FER: variants seen among roughly 807,000 people sequenced by gnomAD.
FER encodes the protein FER tyrosine kinase.
In FER, 63 loss-of-function variants were observed where a neutral mutation model predicts 111.0. The ratio of observed to expected loss-of-function variants is 0.57; its 90% confidence interval spans 0.46 to 0.70. The LOEUF is 0.70. FER is among the 30% of genes least tolerant of loss of function. FER has a pLI of 0.00. For missense variants in FER, 914 were observed against 954.0 expected (o/e 0.96, Z 0.55); for synonymous variants, 327 against 313.9 (o/e 1.04, Z -0.44).
chr5:108,925,200 A>G (rs901330288), intron 10 of FER, among the ~76,000 whole-genome samples: 3 of 151,218 alleles, frequency 2.0e-5, no homozygotes, highest in East Asian at 2.0e-4. Flanking sequence ...TAAGATTTCT[A>G]TTTTTCAAAT....
At chr5:108,990,553 G>A (rs1166003027) in intron 13 of FER, among the ~76,000 whole-genome samples, 1 of 151,662 alleles carries the variant, frequency 6.6e-6, no homozygotes, top group Non-Finnish European at 1.5e-5. Flanking sequence ...AATTACAGGT[G>A]AAGAGAAAAT....
intron 13 of FER, among the ~76,000 whole-genome samples, chr5:108,960,419 G>T (rs1188552875): frequency 6.6e-6 from 1 of 151,832 alleles, no homozygotes; most frequent in African/African-American, 2.4e-5. Context: ...TTCTTGAACA[G>T]TTTTCTATAA....
intron 10 of FER, among the ~76,000 whole-genome samples, chr5:108,925,744 G>T (rs1188875540): frequency 6.6e-6 from 1 of 151,926 alleles, no homozygotes; most frequent in Non-Finnish European, 1.5e-5. Context: ...CCAGTGTTTG[G>T]GTTATGGTGT....
intron 13 of FER, among the ~76,000 whole-genome samples, chr5:109,026,333 A>G (rs1015274909): frequency 1.3e-5 from 2 of 152,228 alleles, no homozygotes; most frequent in African/African-American, 2.4e-5. Context: ...TGGATTATTT[A>G]GAATGAATTT....
chr5:108,792,371 C>T (rs998133473), intron 2 of FER, among the ~76,000 whole-genome samples: 2 of 152,106 alleles, frequency 1.3e-5, no homozygotes, highest in East Asian at 1.9e-4. Flanking sequence ...CGGAGTTTTG[C>T]TCTTGTTGCC....
At chr5:108,918,149 G>T (rs1006170368) in intron 10 of FER, among the ~76,000 whole-genome samples, 1 of 152,072 alleles carries the variant, frequency 6.6e-6, no homozygotes, top group African/African-American at 2.4e-5. Flanking sequence ...AATGAAAAGG[G>T]AGATAAAGTC....
At chr5:108,822,725 T>TTTA (rs1446195212) in intron 3 of FER, among the ~76,000 whole-genome samples, 1 of 133,964 alleles carries the variant, frequency 7.5e-6, no homozygotes, top group Non-Finnish European at 1.6e-5. Flanking sequence ...TTTATTTTAT[T>TTTA]TTATTTTATT....
chr5:109,156,732 A>G (rs775248350), intron 17 of FER, among the ~76,000 whole-genome samples: 1 of 152,118 alleles, frequency 6.6e-6, no homozygotes, highest in Non-Finnish European at 1.5e-5. Context: ...AATAGTTTCA[A>G]AGAAGCAGTG....
intron 10 of FER, among the ~76,000 whole-genome samples, chr5:108,904,960 G>C (rs1243224686): frequency 6.6e-6 from 1 of 151,996 alleles, no homozygotes; most frequent in East Asian, 1.9e-4. Flanking sequence ...TATATTTACA[G>C]TTGTATGTTA....
intron 16 of FER, among the ~76,000 whole-genome samples, chr5:109,085,605 T>G (rs1777478115): frequency 6.6e-6 from 1 of 151,718 alleles, no homozygotes; most frequent in Admixed American, 6.6e-5. Flanking sequence ...AAGTAGTAAG[T>G]GCAGGCATCC....
At chr5:108,964,852 C>T (rs1279377774) in intron 13 of FER, among the ~76,000 whole-genome samples, 1 of 151,908 alleles carries the variant, frequency 6.6e-6, no homozygotes, top group Non-Finnish European at 1.5e-5. Context: ...GAACTTTTTT[C>T]CCAGTAACAT....
chr5:108,807,361 T>C (rs1297029663), intron 3 of FER, among the ~76,000 whole-genome samples: 1 of 152,176 alleles, frequency 6.6e-6, no homozygotes, highest in African/African-American at 2.4e-5. Flanking sequence ...AGAAGTTGCG[T>C]GTTTCCAGGA....
chr5:108,960,893 A>G (rs1759058300), intron 13 of FER, among the ~76,000 whole-genome samples: 1 of 152,022 alleles, frequency 6.6e-6, no homozygotes, highest in Non-Finnish European at 1.5e-5. Flanking sequence ...CCTCCCTCTA[A>G]CACTCTAGGT....
intron 5 of FER, among the ~76,000 whole-genome samples, chr5:108,843,763 G>A (rs752394905): frequency 4.0e-5 from 6 of 151,718 alleles, no homozygotes; most frequent in East Asian, 1.9e-4. Context: ...TCTTGACCTC[G>A]TAATCCACCC....
At chr5:109,137,212 A>G (rs749760938) in intron 17 of FER, among the ~76,000 whole-genome samples, 7 of 152,170 alleles carry the variant, frequency 4.6e-5, no homozygotes, top group Non-Finnish European at 1.0e-4. Flanking sequence ...TTTTTTCTAC[A>G]CAGCAAAATC....
chr5:108,902,650 G>C (rs1367777803), intron 10 of FER, among the ~76,000 whole-genome samples: 1 of 152,202 alleles, frequency 6.6e-6, no homozygotes, highest in African/African-American at 2.4e-5. Flanking sequence ...GAAATGCTTA[G>C]TTAGAAGATA....
At chr5:109,184,055 A>G (rs1441004226) in intron 18 of FER, among the ~76,000 whole-genome samples, 1 of 152,242 alleles carries the variant, frequency 6.6e-6, no homozygotes, top group Non-Finnish European at 1.5e-5. Context: ...TATTGCTACC[A>G]TCCTTAGTCA....
intron 2 of FER, among the ~76,000 whole-genome samples, chr5:108,787,173 C>T (rs956770872): frequency 5.3e-5 from 8 of 152,296 alleles, no homozygotes; most frequent in Admixed American, 1.3e-4. Flanking sequence ...CTGCTTCTGG[C>T]GCCTGCTCCA....
intron 10 of FER, among the ~76,000 whole-genome samples, chr5:108,939,099 GT>G (rs1369161088): frequency 6.6e-6 from 1 of 151,872 alleles, no homozygotes; most frequent in African/African-American, 2.4e-5. Context: ...TTAAACTAGG[GT>G]TTTTCCATAC....
Sources: allele counts gnomAD v4.1 joint callset (sites outside exome capture counted in the v4.1 genomes callset), GRCh38; gene constraint gnomAD v4.1.1; transcripts MANE v1.5; gene names NCBI Gene and HGNC (gene_info 2026-07-23, HGNC 2026-07-21).